COL11A1: variants seen among roughly 807,000 people sequenced by gnomAD.
COL11A1 encodes the protein collagen alpha-1(XI) chain.
COL11A1 carries 74 observed loss-of-function variants against 265.2 expected under a neutral mutation model. The ratio of observed to expected loss-of-function variants is 0.28; its 90% confidence interval spans 0.23 to 0.34. The LOEUF (loss-of-function observed/expected upper bound fraction) is 0.34. Among genes scored for constraint, COL11A1 ranks in the 10% least tolerant of loss-of-function variants. The pLI, the probability that COL11A1 is intolerant of heterozygous loss-of-function variation, is 1.00. For synonymous variants in COL11A1, 816 were observed against 727.6 expected, an observed-to-expected ratio of 1.12 and a Z score of -1.96; for missense variants, 2,165 against 2,263.6, an observed-to-expected ratio of 0.96 and a Z score of 0.88.
intron 46 of COL11A1, among the ~76,000 whole-genome samples, chr1:102,926,375 ATG>A (rs140351698): frequency 0.11 from 16,961 of 152,076 alleles, 1,013 homozygotes; most frequent in Middle Eastern, 0.13. Flanking sequence ...CACTCCATAT[ATG>A]TGTGTGTGTG....
rs760349942 is a variant in COL11A1 at position 102,889,468 on chromosome 1, G to C, written c.4451C>G (p.Ala1484Gly). Residue 1484 changes from alanine (A) to glycine (G), a missense_variant, in exon 59 of 67, where the codon GCA becomes GGA. Transcript: ENST00000370096. Reference protein sequence around the residue: ...GLPGTQGSPGAKGDGGIPGPA... With the variant: ...GLPGTQGSPGGKGDGGIPGPA... ...ATTTTTACTCACCCCATCCCCTTTT[G>C]CTCCTGGAGATCCTTGAGTTCCAGG... 8 of 1,610,078 alleles carry C rather than the reference G, an allele frequency of 5.0e-6. No homozygotes were observed. The highest frequency in any genetic ancestry group is 6.8e-6 in the Non-Finnish European group (8 of 1,178,348).
At chr1:103,005,438 A>G (rs1665506685) in intron 18 of COL11A1, among the ~76,000 whole-genome samples, 1 of 152,170 alleles carries the variant, frequency 6.6e-6, no homozygotes, top group Non-Finnish European at 1.5e-5. Flanking sequence ...ATATTACTGT[A>G]TTAATGACAA....
At chr1:103,037,968 T>G (rs1668506710) in intron 4 of COL11A1, among the ~76,000 whole-genome samples, 1 of 152,170 alleles carries the variant, frequency 6.6e-6, no homozygotes, top group Non-Finnish European at 1.5e-5. Context: ...TTTCTTATAG[T>G]TCATTCTTGT....
rs538744491 is a variant in COL11A1 at position 103,046,270 on chromosome 1, T to C, written c.652-15026A>G. Among the ~76,000 whole-genome samples the C allele has an allele frequency of 4.0e-3, 146 of 36,798 alleles. 4 individuals are homozygous for C. Among genetic ancestry groups the C allele is most frequent in the African/African-American group, 9.8e-3 (136 of 13,872 alleles). 24.1% of individuals were successfully genotyped at this position (36,798 alleles called of 152,430 possible). Reference sequence around the variant, plus strand: ...AGTGTTCCTATTTCTCCACATCCTCTCCAGCACCTTTTTAATGATTGCCAT... The same window carrying C: ...AGTGTTCCTATTTCTCCACATCCTCCCCAGCACCTTTTTAATGATTGCCAT... On this transcript the variant is annotated intron_variant, in intron 4 of 66. Coordinates refer to ENST00000370096, the MANE Select transcript of COL11A1 (RefSeq NM_001854.4).
chr1:103,062,506 T>C (rs1191271789), intron 4 of COL11A1, among the ~76,000 whole-genome samples: 1 of 151,992 alleles, frequency 6.6e-6, no homozygotes, highest in Non-Finnish European at 1.5e-5. Flanking sequence ...ATCCCAGGTA[T>C]GCCAGGCTGT....
chr1:103,004,579 AT>A, intron 19 of COL11A1, 28 bp downstream of exon 19: 1 of 1,593,790 alleles, frequency 6.3e-7, no homozygotes, highest in Non-Finnish European at 8.6e-7. Flanking sequence ...AATTTTAAAT[AT>A]TTCTTAAGAA....
intron 57 of COL11A1, among the ~76,000 whole-genome samples, chr1:102,896,627 A>T (rs536546572): frequency 6.6e-6 from 1 of 152,304 alleles, no homozygotes; most frequent in South Asian, 2.1e-4. Context: ...CTTTACCTAA[A>T]GGATTTGGAA....
chr1:102,964,590 GT>G (rs1557879410), intron 38 of COL11A1, among the ~76,000 whole-genome samples: 1 of 149,430 alleles, frequency 6.7e-6, no homozygotes, highest in African/African-American at 2.5e-5. Context: ...CTCTAGGGGT[GT>G]GTGTGTGTGT....
At chr1:103,065,008 T>C (rs1439088995) in intron 4 of COL11A1, among the ~76,000 whole-genome samples, 1 of 152,150 alleles carries the variant, frequency 6.6e-6, no homozygotes, top group African/African-American at 2.4e-5. Flanking sequence ...TCTTAGAATG[T>C]ACAACACCAA....
At chr1:102,916,309 G>C (rs2101042866) in intron 49 of COL11A1, among the ~76,000 whole-genome samples, 1 of 152,108 alleles carries the variant, frequency 6.6e-6, no homozygotes, top group Admixed American at 6.5e-5. Context: ...TAGCCCAGTG[G>C]ACTAATAAAT....
At chr1:103,030,951 G>T in intron 5 of COL11A1, 165 bp downstream of exon 5, 1 of 843,528 alleles carries the variant, frequency 1.2e-6, no homozygotes, top group Non-Finnish European at 1.9e-6. Context: ...AAGAAAACAA[G>T]TACCAAATAT....
intron 35 of COL11A1, among the ~76,000 whole-genome samples, chr1:102,975,283 CTG>C (rs1245926427): frequency 7.6e-6 from 1 of 131,738 alleles, no homozygotes; most frequent in Non-Finnish European, 1.6e-5. Flanking sequence ...AAAAAAAAAA[CTG>C]TTTTAAAACT....
intron 4 of COL11A1, among the ~76,000 whole-genome samples, chr1:103,044,523 T>C (rs1380786993): frequency 6.6e-6 from 1 of 152,068 alleles, no homozygotes; most frequent in Non-Finnish European, 1.5e-5. Flanking sequence ...AAACTGTACG[T>C]TTATCTTATA....
chr1:102,925,936 C>G (rs1656546335), intron 46 of COL11A1, among the ~76,000 whole-genome samples: 1 of 152,150 alleles, frequency 6.6e-6, no homozygotes, highest in Non-Finnish European at 1.5e-5. Flanking sequence ...TAGAGTGCAT[C>G]TAATTTAGTA....
intron 42 of COL11A1, among the ~76,000 whole-genome samples, chr1:102,945,072 A>G (rs184748796): frequency 6.6e-6 from 1 of 152,158 alleles, no homozygotes; most frequent in African/African-American, 2.4e-5. Flanking sequence ...TTTATTTGCT[A>G]CAGTTTGAAT....
intron 1 of COL11A1, among the ~76,000 whole-genome samples, chr1:103,095,269 T>C (rs1673658980): frequency 6.6e-6 from 1 of 152,058 alleles, no homozygotes; most frequent in Admixed American, 6.6e-5. Flanking sequence ...TCTAAAATTA[T>C]CTAATTTTAC....
chr1:103,053,389 T>C (rs574310878), intron 4 of COL11A1, among the ~76,000 whole-genome samples: 113 of 152,312 alleles, frequency 7.4e-4, no homozygotes, highest in Admixed American at 1.4e-3. Flanking sequence ...TTCCAGATGG[T>C]CTGACTGGCA....
rs1571171200 is a variant in COL11A1, at chr1:103,056,046, T to G, written c.651+18572A>C. Reference sequence around the variant, plus strand: ...AATTAGCCTACAGGTATAACTTACTTGTGTTTTATTTTGTTTTGTTTTTGT... The same window carrying G: ...AATTAGCCTACAGGTATAACTTACTGGTGTTTTATTTTGTTTTGTTTTTGT... On this transcript the variant is annotated intron_variant, in intron 4 of 66. Transcript: ENST00000370096. Among the ~76,000 whole-genome samples the G allele has an allele frequency of 2.0e-5, 3 of 152,194 alleles. No individual in the cohort carries two copies. In the South Asian group the frequency reaches 6.2e-4, roughly 32 times the overall value.
At chr1:103,091,731 C>T (rs567172013) in intron 1 of COL11A1, among the ~76,000 whole-genome samples, 6 of 151,974 alleles carry the variant, frequency 3.9e-5, no homozygotes, top group East Asian at 3.9e-4. Flanking sequence ...AATATACACA[C>T]GAATACTATA....
Sources: gnomAD v4.1 joint callset for allele counts (sites outside exome capture counted in the v4.1 genomes callset) on GRCh38, gnomAD v4.1.1 for gene constraint, MANE v1.5 for transcripts, NCBI Gene and HGNC (gene_info 2026-07-23, HGNC 2026-07-21) for gene names.